TMEM132D: variants seen among roughly 807,000 people sequenced by gnomAD.
TMEM132D encodes the protein transmembrane protein 132D.
In TMEM132D, 21 loss-of-function variants were observed where a neutral mutation model predicts 62.3. The observed-to-expected ratio is 0.34, with a 90% CI of 0.24 to 0.49. The LOEUF (loss-of-function observed/expected upper bound fraction) is 0.49. TMEM132D is among the 20% of genes least tolerant of loss of function. The pLI is 0.99. For synonymous variants in TMEM132D, 621 were observed against 575.6 expected (o/e 1.08, Z -1.13); for missense variants, 1,346 against 1,402.8 (o/e 0.96, Z 0.65).
intron 3 of TMEM132D, among the ~76,000 whole-genome samples, chr12:129,466,380 T>A (rs1030598523): frequency 6.9e-6 from 1 of 145,330 alleles, no homozygotes; most frequent in Admixed American, 7.1e-5. Flanking sequence ...GGCACGATCA[T>A]GGCTCACTGC....
chr12:129,078,044 C>A (rs1027722329), intron 8 of TMEM132D, among the ~76,000 whole-genome samples: 3 of 152,228 alleles, frequency 2.0e-5, no homozygotes, highest in Non-Finnish European at 4.4e-5. Context: ...CTGCCTTGAG[C>A]TGAACAATGA....
At chr12:129,780,217 C>A (rs1871077404) in intron 1 of TMEM132D, among the ~76,000 whole-genome samples, 1 of 152,192 alleles carries the variant, frequency 6.6e-6, no homozygotes, top group Non-Finnish European at 1.5e-5. Flanking sequence ...ATCTCCCCGT[C>A]CCGCTGTGTG....
intron 4 of TMEM132D, among the ~76,000 whole-genome samples, chr12:129,310,115 A>G (rs1246311286): frequency 6.6e-6 from 1 of 152,146 alleles, no homozygotes; most frequent in African/African-American, 2.4e-5. Flanking sequence ...AGGGCTGGCC[A>G]AGGAGTAAGA....
intron 1 of TMEM132D, among the ~76,000 whole-genome samples, chr12:129,847,715 C>T (rs984896188): frequency 1.3e-5 from 2 of 152,098 alleles, no homozygotes; most frequent in Non-Finnish European, 2.9e-5. Flanking sequence ...ACTGAGGTGA[C>T]GTTCTGCTAG....
At chr12:129,452,267 A>G (rs1873316362) in intron 3 of TMEM132D, among the ~76,000 whole-genome samples, 1 of 152,242 alleles carries the variant, frequency 6.6e-6, no homozygotes, top group South Asian at 2.1e-4. Flanking sequence ...ACCGGAAGAA[A>G]GGCATTTCTC....
intron 3 of TMEM132D, among the ~76,000 whole-genome samples, chr12:129,342,574 T>C (rs1022116734): frequency 1.3e-5 from 2 of 152,140 alleles, no homozygotes; most frequent in Non-Finnish European, 2.9e-5. Flanking sequence ...AATTGACAAA[T>C]GGGATCTAAT....
chr12:129,357,593 G>A (rs1452895814), intron 3 of TMEM132D, among the ~76,000 whole-genome samples: 1 of 151,496 alleles, frequency 6.6e-6, no homozygotes. Flanking sequence ...GAGAAAGAAA[G>A]GAGAGAAAGA....
rs568913767 is a variant in TMEM132D at position 129,708,498 on chromosome 12, C to T, written c.80-7800G>A. Among the ~76,000 whole-genome samples, 9 of 151,448 alleles carry T rather than the reference C, an allele frequency of 5.9e-5. No individual in the cohort carries two copies. In the South Asian group the frequency reaches 6.3e-4, roughly 11 times the overall value. Reference sequence around the variant, plus strand: ...GTCCTGTGCCTTGCTGAATGCCTATCGGTCTCCCTGACCCCTGCCTAGGTG... The same window carrying T: ...GTCCTGTGCCTTGCTGAATGCCTATTGGTCTCCCTGACCCCTGCCTAGGTG... On this transcript the variant is annotated intron_variant, in intron 1 of 8. Coordinates refer to ENST00000422113, the MANE Select transcript of TMEM132D (RefSeq NM_133448.3).
intron 3 of TMEM132D, among the ~76,000 whole-genome samples, chr12:129,407,826 C>T (rs1361826573): frequency 6.7e-6 from 1 of 149,014 alleles, no homozygotes; most frequent in Non-Finnish European, 1.5e-5. Context: ...GGTGCAAACC[C>T]GGGAGGCGAG....
intron 4 of TMEM132D, among the ~76,000 whole-genome samples, chr12:129,215,177 G>A (rs1244815761): frequency 2.6e-5 from 4 of 152,186 alleles, no homozygotes; most frequent in Non-Finnish European, 5.9e-5. Context: ...GTTGGAGCTG[G>A]AGGCCATTAT....
At chr12:129,331,136 A>G (rs890933269) in intron 4 of TMEM132D, among the ~76,000 whole-genome samples, 5 of 152,182 alleles carry the variant, frequency 3.3e-5, no homozygotes, top group Admixed American at 3.3e-4. Context: ...GGCTCTAACG[A>G]GAGAATTCTG....
chr12:129,629,760 T>C (rs1347240018), intron 2 of TMEM132D, among the ~76,000 whole-genome samples: 3 of 152,174 alleles, frequency 2.0e-5, no homozygotes, highest in Non-Finnish European at 4.4e-5. Flanking sequence ...ATACAAACCT[T>C]TGTGTACACT....
intron 5 of TMEM132D, among the ~76,000 whole-genome samples, chr12:129,145,345 T>C (rs1325967667): frequency 6.6e-6 from 1 of 151,620 alleles, no homozygotes; most frequent in Non-Finnish European, 1.5e-5. Context: ...AGAGTACAGG[T>C]TTTTTACTTG....
intron 1 of TMEM132D, among the ~76,000 whole-genome samples, chr12:129,854,245 C>G (rs1199002781): frequency 1.3e-5 from 2 of 152,222 alleles, no homozygotes; most frequent in African/African-American, 4.8e-5. Context: ...GTCCCAGGCA[C>G]TGTCCTTAGC....
intron 4 of TMEM132D, among the ~76,000 whole-genome samples, chr12:129,298,321 T>C (rs1036905607): frequency 1.3e-5 from 2 of 152,234 alleles, no homozygotes; most frequent in Non-Finnish European, 2.9e-5. Context: ...ATGTTTTTTA[T>C]TTTTTAAAAT....
At chr12:129,595,572 G>T (rs1878313621) in intron 2 of TMEM132D, among the ~76,000 whole-genome samples, 2 of 152,330 alleles carry the variant, frequency 1.3e-5, no homozygotes, top group African/African-American at 4.8e-5. Context: ...TAGACCCATG[G>T]GTCATGCTTT....
Position 129,789,932 on chromosome 12 carries a change from G to C in TMEM132D, c.80-89234C>G, listed in dbSNP as rs551253327. On this transcript the variant is annotated intron_variant, in intron 1 of 8. Transcript: ENST00000422113. ...TGTCTGAAATCCATAAATTAGCACA[G>C]AGATTATTTTTTGCACTATTTATGG... Among the ~76,000 whole-genome samples, 6 of 152,332 alleles carry C rather than the reference G, an allele frequency of 3.9e-5. No individual in the cohort carries two copies. In the South Asian group the frequency reaches 6.2e-4, roughly 16 times the overall value.
At chr12:129,587,756 C>T (rs990510678) in intron 2 of TMEM132D, among the ~76,000 whole-genome samples, 2 of 152,156 alleles carry the variant, frequency 1.3e-5, no homozygotes, top group African/African-American at 2.4e-5. Context: ...ATTTGTGTCA[C>T]CACAAAGTAT....
chr12:129,832,253 AAAG>A (rs1269253547), intron 1 of TMEM132D, among the ~76,000 whole-genome samples: 7 of 151,472 alleles, frequency 4.6e-5, no homozygotes, highest in Non-Finnish European at 4.4e-5. Context: ...AACGGAAAGA[AAAG>A]AAGGAGAGGA....
Sources: allele counts gnomAD v4.1 joint callset (sites outside exome capture counted in the v4.1 genomes callset), GRCh38; gene constraint gnomAD v4.1.1; transcripts MANE v1.5; gene names NCBI Gene and HGNC (gene_info 2026-07-23, HGNC 2026-07-21).